CDHR2: variants seen among roughly 807,000 people sequenced by gnomAD.
The protein encoded by CDHR2 is cadherin related family member 2.
Under a neutral mutation model 138.6 loss-of-function variants are expected in CDHR2, and 104 were observed. The ratio of observed to expected loss-of-function variants is 0.75; its 90% confidence interval spans 0.64 to 0.88. The LOEUF (loss-of-function observed/expected upper bound fraction) is 0.88. Among genes scored for constraint, CDHR2 ranks in the 40% least tolerant of loss-of-function variants. The probability of loss-of-function intolerance (pLI) is 0.00; values close to 1 mark genes in which losing one functional copy is unlikely to be tolerated. For synonymous variants in CDHR2, 755 were observed against 742.8 expected (o/e 1.02, Z -0.27); for missense variants, 1,624 against 1,727.6 (o/e 0.94, Z 1.06).
chr5:176,565,628 T>G, intron 2 of CDHR2, 44 bp from the exon 3 acceptor site: 2 of 1,566,412 alleles, frequency 1.3e-6, no homozygotes, highest in Middle Eastern at 1.7e-4. Context: ...GGGATCGGGT[T>G]TTGCAGGGGT....
chr5:176,580,963 T>G (rs557604424), intron 16 of CDHR2, among the ~76,000 whole-genome samples: 7 of 143,636 alleles, frequency 4.9e-5, no homozygotes, highest in African/African-American at 1.6e-4. Flanking sequence ...GACTTCACAC[T>G]TATGAGTTTA....
At chr5:176,550,958 G>A (rs552724641) in intron 1 of CDHR2, among the ~76,000 whole-genome samples, 1 of 152,306 alleles carries the variant, frequency 6.6e-6, no homozygotes, top group Non-Finnish European at 1.5e-5. Flanking sequence ...ACATCTCATG[G>A]CGTGGGGGCC....
chr5:176,556,575 G>A (rs1757830747), intron 1 of CDHR2: 1 of 152,286 alleles, frequency 6.6e-6, no homozygotes, highest in Admixed American at 6.5e-5. Flanking sequence ...TGAGGCAGGA[G>A]AATGGCATCA....
At chr5:176,552,283 G>A (rs34942051) in intron 1 of CDHR2, among the ~76,000 whole-genome samples, 44,474 of 152,198 alleles carry the variant, frequency 0.29, 7,105 homozygotes, top group East Asian at 0.66. Context: ...GCTGATCTGG[G>A]CCTTACAGAA....
intron 6 of CDHR2, among the ~76,000 whole-genome samples, chr5:176,572,122 T>A (rs1198889978): frequency 2.0e-5 from 3 of 151,310 alleles, no homozygotes; most frequent in African/African-American, 7.3e-5. Flanking sequence ...CGTGGCTCAC[T>A]CCTGTAATAC....
At chr5:176,580,159 C>T (rs547361107) in intron 16 of CDHR2, among the ~76,000 whole-genome samples, 1 of 148,524 alleles carries the variant, frequency 6.7e-6, no homozygotes, top group South Asian at 2.1e-4. Context: ...CACACACACT[C>T]ACACACGCAC....
At chr5:176,592,144 GTGA>G (rs1243776859) in intron 30 of CDHR2, among the ~76,000 whole-genome samples, 5 of 76,864 alleles carry the variant, frequency 6.5e-5, no homozygotes, top group East Asian at 4.6e-4. Context: ...GGTGATGATG[GTGA>G]TGATGACAAT....
At chr5:176,568,275 C>A (rs1013180816) in intron 3 of CDHR2, among the ~76,000 whole-genome samples, 10 of 152,220 alleles carry the variant, frequency 6.6e-5, no homozygotes, top group Non-Finnish European at 4.4e-5. Flanking sequence ...CTGGACACAG[C>A]TTTGGCTCAC....
At chr5:176,585,104 C>T in intron 19 of CDHR2, 89 bp downstream of exon 19, 2 of 1,409,032 alleles carry the variant, frequency 1.4e-6, no homozygotes, top group South Asian at 2.9e-5. Flanking sequence ...AAGGTCTGGG[C>T]TCAGATCTTG....
intron 1 of CDHR2, among the ~76,000 whole-genome samples, chr5:176,550,824 A>C (rs1436660002): frequency 6.6e-6 from 1 of 152,016 alleles, no homozygotes; most frequent in Non-Finnish European, 1.5e-5. Context: ...CAGTGGTTCC[A>C]AATTCTAGAA....
Position 176,581,463 on chromosome 5 carries a change from C to A in CDHR2, c.1939C>A (p.Pro647Thr). 2 of 1,614,166 alleles carry A rather than the reference C, an allele frequency of 1.2e-6. No individual in the cohort carries two copies. Among genetic ancestry groups the A allele is most frequent in the African/African-American group, 1.3e-5 (1 of 75,064 alleles). Residue 647 changes from proline to threonine, a missense_variant, in exon 17 of 32, where the codon CCC becomes ACC. Pro to Thr is a conservative substitution (Grantham distance 38, BLOSUM62 -1). This residue lies in a region of CDHR2 where 1,061 missense variants were observed against 1,136.6 expected (regional missense o/e 0.93). Coordinates refer to ENST00000261944, the MANE Select transcript of CDHR2 (RefSeq NM_017675.6). ...CACAGGGCTCCTCAGAAACCTGGGGCCCCTGGACAGAGAGGCCATCGACCC... is the reference window on the plus strand; with the variant it reads ...CACAGGGCTCCTCAGAAACCTGGGGACCCTGGACAGAGAGGCCATCGACCC... ...PDTGLLRNLG[P>T]LDREAIDPAL...
At chr5:176,564,090 A>G (rs1239882302) in intron 1 of CDHR2, among the ~76,000 whole-genome samples, 2 of 152,232 alleles carry the variant, frequency 1.3e-5, no homozygotes, top group Non-Finnish European at 2.9e-5. Flanking sequence ...AACATAGAGC[A>G]TACAGACAAC....
At chr5:176,575,468 G>A (rs201250874) in intron 9 of CDHR2, 38 bp from the exon 10 acceptor site, 64 of 1,614,150 alleles carry the variant, frequency 4.0e-5, no homozygotes, top group Non-Finnish European at 5.2e-5. Flanking sequence ...GGCGGGAGGC[G>A]GGGAAGTTTG....
intron 31 of CDHR2, among the ~76,000 whole-genome samples, chr5:176,594,859 G>A (rs1045408317): frequency 1.3e-5 from 2 of 152,066 alleles, no homozygotes; most frequent in African/African-American, 2.4e-5. Context: ...GTGTGTGCAC[G>A]CACACAGCAT....
intron 17 of CDHR2, among the ~76,000 whole-genome samples, chr5:176,582,297 G>C (rs994362383): frequency 8.5e-5 from 13 of 152,200 alleles, no homozygotes; most frequent in African/African-American, 3.1e-4. Flanking sequence ...TAAGACTAAA[G>C]ATGCGTGCCA....
Position 176,577,305 on chromosome 5 carries a change from C to T in CDHR2, c.1195-94C>T, listed in dbSNP as rs1052374946. ...CCCCCTTCCATGGGACCTCATCGGGCGGGGCATCCAGAGATAGAAGCCTGG... is the reference window on the plus strand; with the variant it reads ...CCCCCTTCCATGGGACCTCATCGGGTGGGGCATCCAGAGATAGAAGCCTGG... On this transcript the variant is annotated intron_variant, in intron 12 of 31. Coordinates refer to ENST00000261944, the MANE Select transcript of CDHR2 (RefSeq NM_017675.6). 50 of 1,351,800 alleles carry T rather than the reference C, an allele frequency of 3.7e-5. No homozygotes were observed. The Middle Eastern group carries it at 7.5e-4, about 20-fold the overall frequency. The allele number at this position is 1,351,800 out of a possible 1,614,324, so 83.7% of individuals were successfully genotyped here. A position where few individuals can be genotyped will look rare whatever the true frequency, so the allele number is the denominator to read the frequency against.
Position 176,595,674 on chromosome 5 carries a change from A to G in CDHR2, c.*2A>G. 6.3e-7 allele frequency: 1 copy of G among 1,582,668 alleles called. No homozygotes were observed. Among genetic ancestry groups the G allele is most frequent in the Non-Finnish European group, 8.6e-7 (1 of 1,163,776 alleles). ...GGCCTGGACACCACGGACCTGTGAC[A>G]GGGGCCCCCACTCTTCTGGACCCCT... On this transcript the variant is annotated 3_prime_UTR_variant, in exon 32 of 32. Coordinates refer to ENST00000261944, the MANE Select transcript of CDHR2 (RefSeq NM_017675.6).
At chr5:176,585,051 A>G (rs529576294) in intron 19 of CDHR2, 36 bp downstream of exon 19, 2 of 1,518,752 alleles carry the variant, frequency 1.3e-6, no homozygotes, top group Admixed American at 2.0e-5. Flanking sequence ...TTGGCAGGCC[A>G]TAGCTTAGGG....
Position 176,575,155 on chromosome 5 carries a change from C to T in CDHR2, c.567C>T (p.Gly189=). The stretch of plus-strand genomic sequence containing the variant: ...CCAATGGCTCCATAGTCCTCAATGG[C>T]AGCCTCAGCTACAACAACAAGAGCG... The part of the protein sequence containing the change: ...ILANGSIVLN[G]SLSYNNKSAF... Residue 189 remains glycine (G), a synonymous_variant, in exon 8 of 32, where the codon GGC becomes GGT. Coordinates refer to ENST00000261944, the MANE Select transcript of CDHR2 (RefSeq NM_017675.6). 1 of 1,614,200 alleles carries T rather than the reference C, an allele frequency of 6.2e-7. No homozygotes were observed.
Sources: allele counts gnomAD v4.1 joint callset (sites outside exome capture counted in the v4.1 genomes callset), GRCh38; gene constraint gnomAD v4.1.1; regional missense constraint gnomAD v4.1.1; transcripts MANE v1.5; gene names NCBI Gene and HGNC (gene_info 2026-07-23, HGNC 2026-07-21).